Variants in ACBD6 observed in about 807,000 individuals in gnomAD.
ACBD6 encodes acyl-CoA binding domain containing 6.
In ACBD6, 28 loss-of-function variants were observed where a neutral mutation model predicts 37.2. The ratio of observed to expected loss-of-function variants is 0.75; its 90% CI spans 0.56 to 1.03. ACBD6 has a LOEUF of 1.03. Ranked by LOEUF, ACBD6 falls within the 50% of genes least tolerant of loss-of-function variation. The pLI, the probability that ACBD6 is intolerant of heterozygous loss-of-function variation, is 0.00. For synonymous variants in ACBD6, 113 were observed against 126.8 expected (o/e 0.89, Z 0.73); for missense variants, 340 against 337.4 (o/e 1.01, Z -0.06).
At chr1:180,453,317 A>C (rs1649788324) in intron 3 of ACBD6, among the ~76,000 whole-genome samples, 1 of 152,236 alleles carries the variant, frequency 6.6e-6, no homozygotes, top group South Asian at 2.1e-4. Context: ...GACAAAAACC[A>C]CATGATTATC....
intron 3 of ACBD6, among the ~76,000 whole-genome samples, chr1:180,466,331 A>G (rs1204685563): frequency 6.6e-6 from 1 of 152,210 alleles, no homozygotes; most frequent in Non-Finnish European, 1.5e-5. Context: ...ATTGAAATGT[A>G]AACATAACAT....
chr1:180,392,836 A>G (rs1306385509), intron 6 of ACBD6, among the ~76,000 whole-genome samples: 2 of 152,182 alleles, frequency 1.3e-5, no homozygotes, highest in East Asian at 3.8e-4. Flanking sequence ...GGGCTAGTCT[A>G]TAAACCGTAA....
intron 6 of ACBD6, among the ~76,000 whole-genome samples, chr1:180,336,925 C>G (rs1049241631): frequency 2.0e-5 from 3 of 152,028 alleles, no homozygotes; most frequent in East Asian, 1.9e-4. Context: ...ATAAATTCCT[C>G]GACACATACA....
At chr1:180,367,399 A>G (rs1653092223) in intron 6 of ACBD6, among the ~76,000 whole-genome samples, 1 of 152,128 alleles carries the variant, frequency 6.6e-6, no homozygotes, top group South Asian at 2.1e-4. Context: ...AAAAACTTTT[A>G]TTTTAGATTT....
intron 9 of ACBD6, among the ~76,000 whole-genome samples, chr1:180,279,153 C>A (rs1013509546): frequency 6.6e-6 from 1 of 152,160 alleles, no homozygotes; most frequent in Non-Finnish European, 1.5e-5. Flanking sequence ...AATACCAGAA[C>A]CACTCAATAA....
At chr1:180,404,723 G>A (rs1430481420) in intron 5 of ACBD6, among the ~76,000 whole-genome samples, 2 of 152,162 alleles carry the variant, frequency 1.3e-5, no homozygotes, top group Non-Finnish European at 2.9e-5. Flanking sequence ...CTCCCAAAGT[G>A]CTAGGATGAC....
At chr1:180,271,047 G>A (rs2149266017) in exon 14 of ACBD6, 1 of 391,694 alleles carries the variant, frequency 2.6e-6, no homozygotes, top group Admixed American at 3.7e-5. Flanking sequence ...GGATGTGTGA[G>A]CAGAGTGTTT....
At chr1:180,436,034 A>T in intron 3 of ACBD6, 1 of 681,132 alleles carries the variant, frequency 1.5e-6, no homozygotes, top group Non-Finnish European at 2.6e-6. Context: ...TACGTCTGGA[A>T]TGCAAGTATT....
intron 6 of ACBD6, among the ~76,000 whole-genome samples, chr1:180,362,588 C>A (rs981494155): frequency 6.6e-6 from 1 of 152,188 alleles, no homozygotes; most frequent in Non-Finnish European, 1.5e-5. Context: ...GTTCCTAATG[C>A]ATTCACTATT....
At chr1:180,345,389 A>G (rs1652140923) in intron 6 of ACBD6, among the ~76,000 whole-genome samples, 1 of 152,198 alleles carries the variant, frequency 6.6e-6, no homozygotes, top group African/African-American at 2.4e-5. Context: ...GGTGCTATGA[A>G]ATAGGCACTT....
intron 5 of ACBD6, among the ~76,000 whole-genome samples, chr1:180,402,832 T>C (rs1647437153): frequency 6.6e-6 from 1 of 151,838 alleles, no homozygotes; most frequent in Admixed American, 6.6e-5. Context: ...CACAAGAAAT[T>C]ACTAAGCTAT....
chr1:180,469,913 TATA>T (rs1435652733), intron 3 of ACBD6, among the ~76,000 whole-genome samples: 1 of 152,206 alleles, frequency 6.6e-6, no homozygotes, highest in Admixed American at 6.5e-5. Flanking sequence ...TTTCTACATA[TATA>T]ATTTCAATGA....
intron 6 of ACBD6, among the ~76,000 whole-genome samples, chr1:180,375,167 G>A (rs925542108): frequency 1.4e-4 from 21 of 152,096 alleles, no homozygotes; most frequent in Admixed American, 3.9e-4. Flanking sequence ...AACTATGAAA[G>A]AGAAATACCT....
chr1:180,460,629 G>A (rs1251853910), intron 3 of ACBD6, among the ~76,000 whole-genome samples: 1 of 152,180 alleles, frequency 6.6e-6, no homozygotes, highest in African/African-American at 2.4e-5. Flanking sequence ...TCCAGGTATT[G>A]GAAAATCTGA....
chr1:180,336,545 C>T (rs1651727206), intron 6 of ACBD6, among the ~76,000 whole-genome samples: 1 of 147,934 alleles, frequency 6.8e-6, no homozygotes, highest in South Asian at 2.2e-4. Context: ...CACTAAATGC[C>T]CACAAGAGAA....
exon 14 of ACBD6, chr1:180,271,446 A>G (rs1459799961): frequency 6.2e-7 from 1 of 1,614,198 alleles, no homozygotes; most frequent in African/African-American, 1.3e-5. Context: ...GAGACATTAA[A>G]GAATGCATAC....
At chr1:180,384,369 T>C (rs770085472) in intron 6 of ACBD6, among the ~76,000 whole-genome samples, 31 of 151,990 alleles carry the variant, frequency 2.0e-4, no homozygotes, top group Admixed American at 5.2e-4. Context: ...TTCTCAAAAG[T>C]AGACAAACAA....
intron 6 of ACBD6, among the ~76,000 whole-genome samples, chr1:180,343,263 T>TA (rs908863277): frequency 3.5e-5 from 5 of 144,810 alleles, no homozygotes; most frequent in African/African-American, 1.2e-4. Flanking sequence ...AAAAATCTTA[T>TA]AAAAAAAGAG....
intron 6 of ACBD6, among the ~76,000 whole-genome samples, chr1:180,370,743 C>CTA (rs2101914696): frequency 6.6e-6 from 1 of 152,112 alleles, no homozygotes; most frequent in Non-Finnish European, 1.5e-5. Context: ...ACATTTTCTA[C>CTA]TATGCTTTCT....
Sources: allele counts gnomAD v4.1 joint callset (sites outside exome capture counted in the v4.1 genomes callset), GRCh38; gene constraint gnomAD v4.1.1; transcripts MANE v1.5; gene names NCBI Gene and HGNC (gene_info 2026-07-23, HGNC 2026-07-21).